Variants in KCNQ1 observed in about 807,000 individuals in gnomAD.
The protein encoded by KCNQ1 is potassium voltage-gated channel subfamily Q member 1.
KCNQ1 carries 49 observed loss-of-function variants against 72.4 expected under a neutral mutation model. That is an observed-to-expected ratio of 0.68 (90% CI 0.54 to 0.86). The LOEUF is 0.86. KCNQ1 is among the 40% of genes least tolerant of loss of function. The probability of loss-of-function intolerance (pLI) is 0.00; values close to 1 mark genes in which losing one functional copy is unlikely to be tolerated. For synonymous variants in KCNQ1, 450 were observed against 412.6 expected (o/e 1.09, Z -1.10); for missense variants, 790 against 945.1 (o/e 0.84, Z 2.15).
Position 2,471,781 on chromosome 11 carries a change from A to G in KCNQ1, c.386+26297A>G, listed in dbSNP as rs901665452. 2.7e-4 allele frequency among the ~76,000 whole-genome samples: 38 copies of G among 139,326 alleles called. No homozygotes were observed. The highest frequency in any genetic ancestry group is 7.7e-5 in the Non-Finnish European group (5 of 65,264). 91.4% of individuals were successfully genotyped at this position (139,326 alleles called of 152,430 possible). On this transcript the variant is annotated intron_variant, in intron 1 of 15. Coordinates refer to ENST00000155840, the MANE Select transcript of KCNQ1 (RefSeq NM_000218.3). The surrounding 1 kb of genome is among the most constrained non-coding windows in gnomAD (Gnocchi z 4.8). Reference sequence around the variant, plus strand: ...ACTTGTGTATGGGTGTGTGCATGTGATTGGGTGTGTGCATGTGTATATAGG... The same window carrying G: ...ACTTGTGTATGGGTGTGTGCATGTGGTTGGGTGTGTGCATGTGTATATAGG...
chr11:2,448,608 G>T (rs1846078085), intron 1 of KCNQ1, among the ~76,000 whole-genome samples: 1 of 152,268 alleles, frequency 6.6e-6, no homozygotes, highest in Non-Finnish European at 1.5e-5. Context: ...GGCCAAGGCA[G>T]GTGGTGGGGC....
Position 2,651,234 on chromosome 11 carries a change from CA to C in KCNQ1, c.1394-10726del. ...TCTTGTGTCAGTCTCACAGCACACACAGCTTAATTCAGGAATTAAGCTGTGC... is the reference window on the plus strand; with the variant it reads ...TCTTGTGTCAGTCTCACAGCACACACGCTTAATTCAGGAATTAAGCTGTGC... On this transcript the variant is annotated intron_variant, in intron 10 of 15. Transcript: ENST00000155840. The surrounding 1 kb of genome is among the most constrained non-coding windows in gnomAD (Gnocchi z 6.1). The C allele has an allele frequency of 2.5e-6, 1 of 398,696 alleles. No homozygotes were observed. Among genetic ancestry groups the C allele is most frequent in the Non-Finnish European group, 4.4e-6 (1 of 226,104 alleles). The allele number at this position is 398,696 out of a possible 1,614,324, so 24.7% of individuals were successfully genotyped here. A position where few individuals can be genotyped will look rare whatever the true frequency, so the allele number is the denominator to read the frequency against.
chr11:2,721,741 G>A (rs956137304), intron 11 of KCNQ1, among the ~76,000 whole-genome samples: 1 of 152,240 alleles, frequency 6.6e-6, no homozygotes, highest in African/African-American at 2.4e-5. Context: ...AGCAGCGGTG[G>A]TGATGGTCCC....
At position 2,620,585 on chromosome 11, in the gene KCNQ1, C is replaced by T. The variant is rs1849153771; in HGVS notation, c.1393+31731C>T. The T allele has an allele frequency of 2.5e-6, 1 of 397,168 alleles. No homozygotes were observed. Among genetic ancestry groups the T allele is most frequent in the African/African-American group, 2.1e-5 (1 of 48,596 alleles). 24.6% of individuals were successfully genotyped at this position (397,168 alleles called of 1,614,324 possible). A position where few individuals can be genotyped will look rare whatever the true frequency, so the allele number is the denominator to read the frequency against. The stretch of plus-strand genomic sequence containing the variant: ...TGTACCACATTTTCTTTATCCAATC[C>T]ACCACTGATGGGCATCTAAGTGGAT... On this transcript the variant is annotated intron_variant, in intron 10 of 15. Coordinates refer to ENST00000155840, the MANE Select transcript of KCNQ1 (RefSeq NM_000218.3). The surrounding 1 kb of genome is among the most constrained non-coding windows in gnomAD (Gnocchi z 4.5).
rs1465662291 is a variant in KCNQ1 at position 2,735,243 on chromosome 11, G to A, written c.1515-33601G>A. Among the ~76,000 whole-genome samples, 1 of 152,154 alleles carries A rather than the reference G, an allele frequency of 6.6e-6. No individual in the cohort carries two copies. The highest frequency in any genetic ancestry group is 1.5e-5 in the Non-Finnish European group (1 of 67,994). On this transcript the variant is annotated intron_variant, in intron 11 of 15. Transcript: ENST00000155840. This position sits in a 1 kb window ranked among gnomAD's most constrained non-coding sequence, Gnocchi z 7.7. Reference sequence around the variant, plus strand: ...GGTGACCCCCTATGAGACGCCACTTGCCCTGAGGCCCTGGGGGACAGCCTG... The same window carrying A: ...GGTGACCCCCTATGAGACGCCACTTACCCTGAGGCCCTGGGGGACAGCCTG...
At chr11:2,574,108 G>A (rs1848381955) in intron 6 of KCNQ1, among the ~76,000 whole-genome samples, 1 of 152,208 alleles carries the variant, frequency 6.6e-6, no homozygotes, top group Non-Finnish European at 1.5e-5. Context: ...CCCGAGGGGA[G>A]TAGCTGGCTG....
intron 15 of KCNQ1, among the ~76,000 whole-genome samples, chr11:2,845,067 C>T (rs1339361103): frequency 6.6e-6 from 1 of 152,086 alleles, no homozygotes. Context: ...ACCCTGAAGG[C>T]TGAGAGACCT....
chr11:2,659,615 G>A lies in KCNQ1; in HGVS notation c.1394-2346G>A, dbSNP rs1590012737. On this transcript the variant is annotated intron_variant, in intron 10 of 15. Transcript: ENST00000155840. This position sits in a 1 kb window ranked among gnomAD's most constrained non-coding sequence, Gnocchi z 4.3. ...ATAAAAATTCAATTCACTTGGGTGG[G>A]AAAGGAACCGATAGGTCATGTGGTA... 1.0e-5 allele frequency: 4 copies of A among 398,478 alleles called. No homozygotes were observed. The East Asian group carries it at 1.1e-4, about 11-fold the overall frequency. 24.7% of individuals were successfully genotyped at this position (398,478 alleles called of 1,614,324 possible). A position where few individuals can be genotyped will look rare whatever the true frequency, so the allele number is the denominator to read the frequency against.
At chr11:2,736,512 G>A (rs1333265275) in intron 11 of KCNQ1, among the ~76,000 whole-genome samples, 1 of 152,178 alleles carries the variant, frequency 6.6e-6, no homozygotes, top group Non-Finnish European at 1.5e-5. Context: ...TTTGGGGATG[G>A]GAGGCGCTAG....
intron 10 of KCNQ1, chr11:2,619,914 T>C (rs917376403): frequency 2.0e-5 from 8 of 398,304 alleles, no homozygotes; most frequent in African/African-American, 1.6e-4. Context: ...TTGCATGGTA[T>C]ATGGAGTATA....
At chr11:2,740,724 C>A (rs558847908) in intron 11 of KCNQ1, among the ~76,000 whole-genome samples, 1 of 152,216 alleles carries the variant, frequency 6.6e-6, no homozygotes, top group Admixed American at 6.5e-5. Flanking sequence ...CTCCTAGGGG[C>A]GCCCACATCC....
In KCNQ1 at chr11:2,547,345, C is replaced by G. The variant is rs1429515461; in HGVS notation, c.477+19327C>G. Among the ~76,000 whole-genome samples, 1 of 152,166 alleles carries G rather than the reference C, an allele frequency of 6.6e-6. No homozygotes were observed. Among genetic ancestry groups the G allele is most frequent in the Non-Finnish European group, 1.5e-5 (1 of 68,036 alleles). ...CCCAGGGTTTAAGTGATTTTCGTGC[C>G]TCAGCCTCCCAAGTAGCTGGGATTA... is the stretch of plus-strand genomic sequence containing the variant. On this transcript the variant is annotated intron_variant, in intron 2 of 15. Transcript: ENST00000155840. This position sits in a 1 kb window ranked among gnomAD's most constrained non-coding sequence, Gnocchi z 4.2.
intron 10 of KCNQ1, among the ~76,000 whole-genome samples, chr11:2,605,474 T>C (rs1480127001): frequency 6.6e-6 from 1 of 152,212 alleles, no homozygotes; most frequent in East Asian, 1.9e-4. Context: ...TTATATATGA[T>C]GTGGAGTGGA....
At chr11:2,706,378 C>T (rs1340009202) in intron 11 of KCNQ1, among the ~76,000 whole-genome samples, 1 of 152,212 alleles carries the variant, frequency 6.6e-6, no homozygotes, top group Admixed American at 6.5e-5. Context: ...TAAATGGCCT[C>T]CTGTATGAGC....
chr11:2,527,090 G>C (rs565847018), intron 1 of KCNQ1, among the ~76,000 whole-genome samples: 1 of 152,188 alleles, frequency 6.6e-6, no homozygotes, highest in African/African-American at 2.4e-5. Flanking sequence ...TTATGGTTCC[G>C]GCGATCAGAG....
Position 2,559,500 on chromosome 11 carries a change from G to A in KCNQ1, c.478-11128G>A, listed in dbSNP as rs577344142. Among the ~76,000 whole-genome samples, 63 of 152,294 alleles carry A rather than the reference G, an allele frequency of 4.1e-4. No individual in the cohort carries two copies. The highest frequency in any genetic ancestry group is 1.2e-3 in the African/African-American group (51 of 41,562). On this transcript the variant is annotated intron_variant, in intron 2 of 15. Coordinates refer to ENST00000155840, the MANE Select transcript of KCNQ1 (RefSeq NM_000218.3). This position sits in a 1 kb window ranked among gnomAD's most constrained non-coding sequence, Gnocchi z 4.9. Reference sequence around the variant, plus strand: ...CACAGGGGACACTGGGCCTCATGCCGCCTGTCAGGATGGTGTCCGGGATGT... The same window carrying A: ...CACAGGGGACACTGGGCCTCATGCCACCTGTCAGGATGGTGTCCGGGATGT...
At chr11:2,774,386 T>TG (rs1564888555) in intron 12 of KCNQ1, among the ~76,000 whole-genome samples, 1 of 151,878 alleles carries the variant, frequency 6.6e-6, no homozygotes, top group Non-Finnish European at 1.5e-5. Flanking sequence ...CTTCCTTCCA[T>TG]GGGGCACAGC....
At chr11:2,672,414 T>G (rs1324284880) in intron 11 of KCNQ1, 6 of 398,164 alleles carry the variant, frequency 1.5e-5, no homozygotes, top group African/African-American at 1.2e-4. Context: ...GGGATGAGAG[T>G]ACAGAACAGT....
chr11:2,589,295 G>T (rs528808809), intron 10 of KCNQ1, among the ~76,000 whole-genome samples: 4 of 152,164 alleles, frequency 2.6e-5, no homozygotes, highest in East Asian at 1.9e-4. Flanking sequence ...GGTAAAACGT[G>T]GGGGGCCTGA....
Sources: gnomAD v4.1 joint callset for allele counts (sites outside exome capture counted in the v4.1 genomes callset) on GRCh38, gnomAD v4.1.1 for gene constraint, Gnocchi (gnomAD v3.1) non-coding constraint, MANE v1.5 for transcripts, NCBI Gene and HGNC (gene_info 2026-07-23, HGNC 2026-07-21) for gene names.